PDE4D: variants seen among roughly 807,000 people sequenced by gnomAD.
The protein encoded by PDE4D is phosphodiesterase 4D.
A neutral mutation model predicts 87.4 loss-of-function variants in PDE4D; 24 were observed. That is an observed-to-expected ratio of 0.27 (90% confidence interval 0.20 to 0.39). PDE4D has a LOEUF of 0.39. PDE4D is among the 10% of genes least tolerant of loss of function. The pLI, the probability that PDE4D is intolerant of heterozygous loss-of-function variation, is 1.00. For missense variants in PDE4D, 714 were observed against 1,041.0 expected (o/e 0.69, Z 4.32); for synonymous variants, 384 against 383.2 (o/e 1.00, Z -0.02).
intron 1 of PDE4D, among the ~76,000 whole-genome samples, chr5:60,387,205 C>A (rs531775307): frequency 6.6e-6 from 1 of 152,324 alleles, no homozygotes; most frequent in African/African-American, 2.4e-5. Context: ...ACGTCCTGCT[C>A]ATAAGTCAGG....
intron 3 of PDE4D, among the ~76,000 whole-genome samples, chr5:59,931,549 G>T (rs1223369223): frequency 6.6e-6 from 1 of 152,000 alleles, no homozygotes; most frequent in Non-Finnish European, 1.5e-5. Context: ...GCCAGCTCAG[G>T]TCTCTCTTCC....
intron 3 of PDE4D, among the ~76,000 whole-genome samples, chr5:59,952,296 T>G (rs1188600481): frequency 6.6e-6 from 1 of 152,126 alleles, no homozygotes; most frequent in Non-Finnish European, 1.5e-5. Context: ...CTCAGGTATG[T>G]CTTTATAGCA....
chr5:60,087,505 T>C (rs944666842), intron 2 of PDE4D, among the ~76,000 whole-genome samples: 10 of 152,206 alleles, frequency 6.6e-5, no homozygotes, highest in South Asian at 2.1e-4. Context: ...CAGATTGAAA[T>C]TGGAAAACAA....
At chr5:59,965,071 T>C (rs923679601) in intron 3 of PDE4D, among the ~76,000 whole-genome samples, 19 of 152,322 alleles carry the variant, frequency 1.2e-4, no homozygotes, top group Admixed American at 1.0e-3. Flanking sequence ...CCATATACTC[T>C]ACGTTCTCTT....
intron 1 of PDE4D, among the ~76,000 whole-genome samples, chr5:59,864,996 C>T (rs972737157): frequency 1.3e-5 from 2 of 152,184 alleles, no homozygotes; most frequent in Non-Finnish European, 2.9e-5. Context: ...GCAATTCCCA[C>T]ACCAGGTCAC....
chr5:60,062,393 A>C (rs1398767537), intron 2 of PDE4D, among the ~76,000 whole-genome samples: 2 of 152,196 alleles, frequency 1.3e-5, no homozygotes, highest in African/African-American at 2.4e-5. Context: ...AATGGCGCTT[A>C]TTAAAAAGAA....
intron 11 of PDE4D, among the ~76,000 whole-genome samples, chr5:58,980,134 C>T (rs946964150): frequency 8.5e-5 from 13 of 152,108 alleles, no homozygotes; most frequent in African/African-American, 2.7e-4. Flanking sequence ...GGCATGGAGC[C>T]ATATAGGTGG....
intron 2 of PDE4D, among the ~76,000 whole-genome samples, chr5:60,015,324 C>T (rs1250754392): frequency 3.3e-5 from 5 of 152,150 alleles, no homozygotes; most frequent in African/African-American, 1.2e-4. Context: ...TCATCCCTGC[C>T]CACATATGCT....
At chr5:59,350,969 T>C (rs755183702) in intron 1 of PDE4D, among the ~76,000 whole-genome samples, 4 of 152,204 alleles carry the variant, frequency 2.6e-5, no homozygotes, top group Admixed American at 2.0e-4. Flanking sequence ...TAACCATTTA[T>C]AAGCCAGCTC....
At chr5:59,051,273 T>C (rs897854539) in intron 5 of PDE4D, among the ~76,000 whole-genome samples, 1 of 152,206 alleles carries the variant, frequency 6.6e-6, no homozygotes, top group African/African-American at 2.4e-5. Flanking sequence ...CTTGGGAGGC[T>C]GAGGCAGGAG....
intron 1 of PDE4D, among the ~76,000 whole-genome samples, chr5:59,800,389 T>C (rs1766981583): frequency 6.6e-6 from 1 of 152,104 alleles, no homozygotes; most frequent in Non-Finnish European, 1.5e-5. Flanking sequence ...AAATAATTGA[T>C]CACACTATAT....
intron 1 of PDE4D, chr5:59,529,012 TACA>T: frequency 2.1e-6 from 1 of 469,484 alleles, no homozygotes; most frequent in Non-Finnish European, 4.3e-6. Context: ...CCTGCTTCAG[TACA>T]ACAACCAACT....
chr5:59,677,207 G>C (rs1010017008), intron 1 of PDE4D, among the ~76,000 whole-genome samples: 1 of 151,802 alleles, frequency 6.6e-6, no homozygotes, highest in African/African-American at 2.4e-5. Flanking sequence ...ATAATTCTAA[G>C]ACATATGTAC....
chr5:59,842,067 G>A (rs1056181778), intron 1 of PDE4D, among the ~76,000 whole-genome samples: 1 of 152,024 alleles, frequency 6.6e-6, no homozygotes, highest in Non-Finnish European at 1.5e-5. Flanking sequence ...GTAGGGAAAT[G>A]ACTGATCAGA....
At chr5:59,131,545 G>C (rs1197940593) in intron 5 of PDE4D, among the ~76,000 whole-genome samples, 2 of 146,350 alleles carry the variant, frequency 1.4e-5, no homozygotes, top group Non-Finnish European at 3.0e-5. Flanking sequence ...ATTCCAAAAG[G>C]GAGTTTTACT....
At chr5:59,099,759 G>A (rs929768476) in intron 5 of PDE4D, among the ~76,000 whole-genome samples, 6 of 152,156 alleles carry the variant, frequency 3.9e-5, no homozygotes, top group African/African-American at 1.4e-4. Context: ...AAGTTTGAAT[G>A]TTTTGAGGCT....
intron 1 of PDE4D, among the ~76,000 whole-genome samples, chr5:59,231,410 C>T (rs560789493): frequency 8.1e-4 from 124 of 152,280 alleles, no homozygotes; most frequent in African/African-American, 2.9e-3. Flanking sequence ...AGGACTGGCT[C>T]ATAGCTCCTC....
chr5:59,799,075 T>A (rs1561680638), intron 1 of PDE4D, among the ~76,000 whole-genome samples: 1 of 152,136 alleles, frequency 6.6e-6, no homozygotes, highest in Non-Finnish European at 1.5e-5. Flanking sequence ...AAATTCCCTA[T>A]CTCATAAACA....
At chr5:59,948,064 G>C (rs1414479537) in intron 3 of PDE4D, among the ~76,000 whole-genome samples, 2 of 152,168 alleles carry the variant, frequency 1.3e-5, no homozygotes, top group Non-Finnish European at 2.9e-5. Context: ...TTGATATACT[G>C]ATATACTCTC....
Sources: gnomAD v4.1 joint callset for allele counts (sites outside exome capture counted in the v4.1 genomes callset) on GRCh38, gnomAD v4.1.1 for gene constraint, MANE v1.5 for transcripts, NCBI Gene and HGNC (gene_info 2026-07-23, HGNC 2026-07-21) for gene names.